MYH15: variants seen among roughly 807,000 people sequenced by gnomAD.
MYH15 encodes myosin heavy chain 15, also known as myosin-15.
MYH15 carries 227 observed loss-of-function variants against 240.5 expected under a neutral mutation model. The observed-to-expected ratio is 0.94, with a 90% CI of 0.85 to 1.05. MYH15 has a LOEUF of 1.05. Ranked by LOEUF, MYH15 falls within the 50% of genes least tolerant of loss-of-function variation. MYH15 has a pLI of 0.00. For missense variants in MYH15, 2,217 were observed against 2,247.5 expected, an observed-to-expected ratio of 0.99 and a Z score of 0.27; for synonymous variants, 785 against 796.7, an observed-to-expected ratio of 0.99 and a Z score of 0.25.
intron 10 of MYH15, among the ~76,000 whole-genome samples, chr3:108,485,521 T>A (rs1327428264): frequency 6.6e-6 from 1 of 152,236 alleles, no homozygotes; most frequent in Admixed American, 6.5e-5. Context: ...GATCACTAAC[T>A]GGCTATATGA....
chr3:108,522,023 A>G (rs2083622686), intron 1 of MYH15, among the ~76,000 whole-genome samples: 1 of 152,184 alleles, frequency 6.6e-6, no homozygotes, highest in African/African-American at 2.4e-5. Context: ...GGAAGAAACT[A>G]ACAAGACCGG....
chr3:108,433,103 G>A (rs2082794345), intron 25 of MYH15, among the ~76,000 whole-genome samples: 1 of 152,186 alleles, frequency 6.6e-6, no homozygotes, highest in African/African-American at 2.4e-5. Flanking sequence ...GCTTTACCCT[G>A]CAAAGCCGCA....
chr3:108,524,003 A>T (rs1035623369), intron 1 of MYH15, among the ~76,000 whole-genome samples: 1 of 151,988 alleles, frequency 6.6e-6, no homozygotes, highest in African/African-American at 2.4e-5. Context: ...TTATAAAAAA[A>T]TGTAATCAGC....
intron 27 of MYH15, among the ~76,000 whole-genome samples, chr3:108,423,021 G>C (rs943822291): frequency 6.6e-6 from 1 of 152,162 alleles, no homozygotes; most frequent in African/African-American, 2.4e-5. Context: ...AAAAAATCAG[G>C]CTCACAGACA....
chr3:108,411,240 T>C (rs1191561644), intron 30 of MYH15, among the ~76,000 whole-genome samples: 1 of 152,202 alleles, frequency 6.6e-6, no homozygotes, highest in African/African-American at 2.4e-5. Flanking sequence ...CAATACTGAC[T>C]TGATTATTTC....
chr3:108,418,361 C>T (rs2082651614), intron 28 of MYH15, among the ~76,000 whole-genome samples: 1 of 152,152 alleles, frequency 6.6e-6, no homozygotes, highest in African/African-American at 2.4e-5. Context: ...TTAAGTGAAA[C>T]TGACTTTTTA....
At position 108,459,272 on chromosome 3, in the gene MYH15, G is replaced by C. The variant is rs111474231; in HGVS notation, c.2020+90C>G. On this transcript the variant is annotated intron_variant, in intron 18 of 40. Transcript: ENST00000693548. ...ATGAAATTCTACCCTTATATAAAAG[G>C]CACCAATAAATATTTCTTTAAAAGA... 856 of 805,102 alleles carry C rather than the reference G, an allele frequency of 1.1e-3. 9 individuals carry two copies. The African/African-American group carries it at 0.014, about 13-fold the overall frequency. 49.9% of individuals were successfully genotyped at this position (805,102 alleles called of 1,614,324 possible). A position where few individuals can be genotyped will look rare whatever the true frequency, so the allele number is the denominator to read the frequency against.
chr3:108,483,202 TAAA>T (rs58381577), intron 11 of MYH15, among the ~76,000 whole-genome samples: 608 of 81,094 alleles, frequency 7.5e-3, no homozygotes, highest in African/African-American at 0.028. Context: ...TCTGTCTCCA[TAAA>T]AAAAAAAAAA....
rs1234316362 is a variant in MYH15 at position 108,428,816 on chromosome 3, C to T, written c.3378G>A (p.Arg1126=). Residue 1126 remains arginine, a synonymous_variant, in exon 27 of 41, where the codon AGG becomes AGA. Coordinates refer to ENST00000693548, the MANE Select transcript of MYH15 (RefSeq NM_014981.3). ...GGTCTTGGGTGAGGTCAGCTCTCTC[C>T]CTTTCCATCTTGGCTCGAGTGGTCC... ...AERTTRAKME[R]ERADLTQDLA... is the part of the protein sequence containing the mutation. The T allele has an allele frequency of 2.5e-6, 4 of 1,614,026 alleles. No individual in the cohort carries two copies. Among genetic ancestry groups the T allele is most frequent in the Admixed American group, 1.7e-5 (1 of 60,022 alleles).
rs539491556 is a variant in MYH15 at position 108,421,179 on chromosome 3, C to T, written c.3738G>A (p.Glu1246=). Reference sequence around the variant, plus strand: ...GCTTTGCAGTTGCTTCATGCAAGCGCTCTTCATATAGAGTACAGAGTTTCT... The same window carrying T: ...GCTTTGCAGTTGCTTCATGCAAGCGTTCTTCATATAGAGTACAGAGTTTCT... The part of the protein sequence containing the change: ...NAEKLCTLYE[E]RLHEATAKLD... The change falls in exon 28 of 41, where the codon GAG becomes GAA. Residue 1246 remains glutamate (E), a synonymous_variant. Coordinates refer to ENST00000693548, the MANE Select transcript of MYH15 (RefSeq NM_014981.3). 21 of 1,613,796 alleles carry T rather than the reference C, an allele frequency of 1.3e-5. No individual in the cohort carries two copies. The East Asian group carries it at 4.7e-4, about 36-fold the overall frequency.
At chr3:108,516,954 T>TC (rs907177782) in intron 1 of MYH15, among the ~76,000 whole-genome samples, 7 of 152,280 alleles carry the variant, frequency 4.6e-5, no homozygotes, top group African/African-American at 1.7e-4. Flanking sequence ...ATGTGGCTTT[T>TC]CCTCCCATCC....
rs2107560221 is a variant in MYH15, at chr3:108,428,694, T to C, written c.3500A>G (p.His1167Arg). The change falls in exon 27 of 41, where the codon CAC becomes CGC. Residue 1167 changes from histidine to arginine, a missense_variant. By Grantham distance (29) the His-to-Arg change is conservative. Coordinates refer to ENST00000693548, the MANE Select transcript of MYH15 (RefSeq NM_014981.3). ...KKQETKFQKL[H>R]RDMEEATLHF... ...CAGAGTGGCCTCTTCCATGTCTCGG[T>C]GCAGCTTCTGGAATTTGGTTTCCTG... 1.9e-6 allele frequency: 3 copies of C among 1,614,002 alleles called. No individual in the cohort carries two copies. The highest frequency in any genetic ancestry group is 2.5e-6 in the Non-Finnish European group (3 of 1,180,020).
intron 33 of MYH15, among the ~76,000 whole-genome samples, chr3:108,402,060 A>G (rs2082509692): frequency 6.6e-6 from 1 of 152,208 alleles, no homozygotes; most frequent in African/African-American, 2.4e-5. Flanking sequence ...ATCATTGACA[A>G]TGCAGTAGGT....
intron 11 of MYH15, among the ~76,000 whole-genome samples, chr3:108,482,050 C>T (rs189279900): frequency 5.9e-5 from 9 of 152,104 alleles, no homozygotes; most frequent in Admixed American, 3.9e-4. Context: ...TAGTAAGAAA[C>T]GGTGGCTCGG....
chr3:108,463,360 G>A (rs1025627395), intron 15 of MYH15, 117 bp from the exon 16 acceptor site: 8 of 1,132,964 alleles, frequency 7.1e-6, no homozygotes, highest in Non-Finnish European at 1.0e-5. Context: ...TGTTATCCAG[G>A]CTAGAATGCA....
At position 108,510,474 on chromosome 3, in the gene MYH15, C is replaced by T. The variant is rs2083513102; in HGVS notation, c.57G>A (p.Glu19=). Residue 19 remains glutamate, a synonymous_variant, in exon 1 of 41, where the codon GAG becomes GAA. Transcript: ENST00000693548. ...AGGCTGTGGCCTGTAGTAGAAGCAG[C>T]TCAGCTTCACTTCTTCTGAGGAAGG... ...AAAFLRRSEA[E]LLLLQATALD... is the part of the protein sequence containing the mutation. 2 of 1,613,296 alleles carry T rather than the reference C, an allele frequency of 1.2e-6. No homozygotes were observed. Among genetic ancestry groups the T allele is most frequent in the Admixed American group, 1.7e-5 (1 of 59,908 alleles).
intron 12 of MYH15, among the ~76,000 whole-genome samples, chr3:108,475,961 T>C (rs1467419867): frequency 2.0e-5 from 3 of 152,358 alleles, no homozygotes; most frequent in African/African-American, 7.2e-5. Flanking sequence ...ATATTGATTT[T>C]TAGCATATGT....
chr3:108,490,699 C>A (rs1473620568), intron 9 of MYH15, among the ~76,000 whole-genome samples: 2 of 152,154 alleles, frequency 1.3e-5, no homozygotes, highest in South Asian at 4.1e-4. Flanking sequence ...GAAATCTTTG[C>A]CTACTTGCTC....
chr3:108,535,881 T>C, the MYH15 span, among the ~76,000 whole-genome samples: 1 of 152,186 alleles, frequency 6.6e-6, no homozygotes, highest in African/African-American at 2.4e-5. Flanking sequence ...GTCCCCTAAC[T>C]TGCAACTCAG....
Sources: gnomAD v4.1 joint callset for allele counts (sites outside exome capture counted in the v4.1 genomes callset) on GRCh38, gnomAD v4.1.1 for gene constraint, MANE v1.5 for transcripts, NCBI Gene and HGNC (gene_info 2026-07-23, HGNC 2026-07-21) for gene names.